The following ELMO1 variants were observed in gnomAD, a reference collection of about 807,000 sequenced individuals.
ELMO1 encodes engulfment and cell motility protein 1.
Under a neutral mutation model 98.9 loss-of-function variants are expected in ELMO1, and 26 were observed. That is an observed-to-expected ratio of 0.26 (90% CI 0.19 to 0.36). ELMO1 has a LOEUF of 0.36. Ranked by LOEUF, ELMO1 falls within the 10% of genes least tolerant of loss-of-function variation. ELMO1 has a pLI of 1.00. For missense variants in ELMO1, 627 were observed against 935.2 expected, an observed-to-expected ratio of 0.67 and a Z score of 4.30; for synonymous variants, 346 against 346.0, an observed-to-expected ratio of 1.00 and a Z score of 0.00.
intron 5 of ELMO1, among the ~76,000 whole-genome samples, chr7:37,265,958 G>T (rs1024476439): frequency 6.6e-6 from 1 of 151,162 alleles, no homozygotes; most frequent in Non-Finnish European, 1.5e-5. Context: ...AAGTTCTGGG[G>T]CTTGCCCTCC....
intron 13 of ELMO1, among the ~76,000 whole-genome samples, chr7:37,183,653 AG>A (rs775923381): frequency 6.6e-6 from 1 of 152,170 alleles, no homozygotes; most frequent in Non-Finnish European, 1.5e-5. Flanking sequence ...AGCAGGAAAG[AG>A]GGAAGGGCCA....
chr7:37,291,051 A>G (rs2246100), intron 4 of ELMO1, among the ~76,000 whole-genome samples: 142,955 of 152,202 alleles, frequency 0.94, 67,657 homozygotes, highest in Non-Finnish European at 1. Flanking sequence ...GAGCCACAGA[A>G]ACCCCTATAT....
chr7:37,050,609 A>AACACACACAC lies in ELMO1; in HGVS notation c.1301-37184_1301-37175dup, dbSNP rs60918785. ...AAGAGAGTAGATTTTAGGTGCTCTG[A>AACACACACAC]ACACACACACACACACACACACACA... On this transcript the variant is annotated intron_variant, in intron 15 of 21. Coordinates refer to ENST00000310758, the MANE Select transcript of ELMO1 (RefSeq NM_014800.11). 5.7e-3 allele frequency among the ~76,000 whole-genome samples: 744 copies of AACACACACAC among 129,578 alleles called. 11 individuals are homozygous for AACACACACAC. The highest frequency in any genetic ancestry group is 0.027 in the Admixed American group (345 of 12,908). The allele number at this position is 129,578 out of a possible 152,430, so 85.0% of individuals were successfully genotyped here.
intron 4 of ELMO1, among the ~76,000 whole-genome samples, chr7:37,286,715 A>G (rs894652831): frequency 6.6e-6 from 1 of 152,196 alleles, no homozygotes; most frequent in Non-Finnish European, 1.5e-5. Flanking sequence ...AAGTCCGCCC[A>G]TTTGGATCCC....
intron 15 of ELMO1, among the ~76,000 whole-genome samples, chr7:37,020,490 T>G (rs970908483): frequency 6.6e-6 from 1 of 152,224 alleles, no homozygotes; most frequent in Non-Finnish European, 1.5e-5. Flanking sequence ...CTCAACTTGT[T>G]AATCCTACCT....
chr7:37,310,376 A>G (rs1798828259), intron 4 of ELMO1, among the ~76,000 whole-genome samples: 1 of 152,174 alleles, frequency 6.6e-6, no homozygotes. Context: ...CTGGGGACTC[A>G]TCTCCATACA....
chr7:37,164,879 T>G (rs1456217832), intron 13 of ELMO1, among the ~76,000 whole-genome samples: 4 of 151,002 alleles, frequency 2.6e-5, no homozygotes, highest in Non-Finnish European at 5.9e-5. Flanking sequence ...GTGAAGAAAG[T>G]CATTGGTAGC....
At chr7:37,194,289 T>C (rs140108434) in intron 13 of ELMO1, among the ~76,000 whole-genome samples, 1 of 152,182 alleles carries the variant, frequency 6.6e-6, no homozygotes, top group Admixed American at 6.5e-5. Flanking sequence ...TTATCCTAAA[T>C]GGAACAAACC....
intron 1 of ELMO1, among the ~76,000 whole-genome samples, chr7:37,377,624 G>C (rs1481604703): frequency 2.0e-5 from 3 of 152,100 alleles, no homozygotes; most frequent in Admixed American, 2.0e-4. Flanking sequence ...ATTCAATTTA[G>C]ACTCTCTGAT....
chr7:37,128,163 A>C (rs1318194413), intron 14 of ELMO1, among the ~76,000 whole-genome samples: 2 of 152,208 alleles, frequency 1.3e-5, no homozygotes, highest in Non-Finnish European at 1.5e-5. Flanking sequence ...ACTGCACTGC[A>C]GCCTGGGCAA....
intron 1 of ELMO1, among the ~76,000 whole-genome samples, chr7:37,356,947 T>C (rs62462586): frequency 1.8e-4 from 28 of 152,108 alleles, no homozygotes; most frequent in Non-Finnish European, 3.7e-4. Context: ...CTCTCTTCCT[T>C]CTTCCTTCTC....
chr7:37,307,288 T>C (rs1022666956), intron 4 of ELMO1, among the ~76,000 whole-genome samples: 2 of 152,174 alleles, frequency 1.3e-5, no homozygotes, highest in African/African-American at 2.4e-5. Flanking sequence ...GGTAACTGAA[T>C]CATGGGGGTG....
intron 1 of ELMO1, among the ~76,000 whole-genome samples, chr7:37,418,978 A>G (rs1804352892): frequency 6.6e-6 from 1 of 152,066 alleles, no homozygotes; most frequent in South Asian, 2.1e-4. Context: ...AGCGTGATTG[A>G]GATCTCTCCA....
intron 1 of ELMO1, among the ~76,000 whole-genome samples, chr7:37,426,138 C>CTTTTTTTT (rs1804690459): frequency 1.0e-5 from 1 of 97,152 alleles, no homozygotes; most frequent in Non-Finnish European, 2.1e-5. Flanking sequence ...CTCTTTTTTT[C>CTTTTTTTT]TTTCTTTTTT....
chr7:36,943,886 A>G (rs913065084), intron 16 of ELMO1, among the ~76,000 whole-genome samples: 15 of 152,178 alleles, frequency 9.9e-5, no homozygotes, highest in African/African-American at 3.6e-4. Context: ...CTGAGGGTGG[A>G]TATACACTAG....
chr7:37,372,030 G>T (rs1802135189), intron 1 of ELMO1, among the ~76,000 whole-genome samples: 1 of 151,900 alleles, frequency 6.6e-6, no homozygotes, highest in Non-Finnish European at 1.5e-5. Flanking sequence ...ATCCTGAAAT[G>T]ACTTAAATTG....
At chr7:36,881,207 A>T (rs781621779) in intron 18 of ELMO1, among the ~76,000 whole-genome samples, 8 of 152,218 alleles carry the variant, frequency 5.3e-5, no homozygotes, top group Non-Finnish European at 8.8e-5. Flanking sequence ...CTCAGCCAGT[A>T]TCTTCCTCAC....
chr7:36,950,755 C>G (rs1787901311), intron 16 of ELMO1, among the ~76,000 whole-genome samples: 1 of 152,228 alleles, frequency 6.6e-6, no homozygotes, highest in Admixed American at 6.5e-5. Flanking sequence ...GCTCCTTCAT[C>G]TCCATGAGGG....
chr7:37,117,526 A>T (rs1302871129), intron 14 of ELMO1, among the ~76,000 whole-genome samples: 2 of 152,198 alleles, frequency 1.3e-5, no homozygotes, highest in Non-Finnish European at 2.9e-5. Context: ...GAAGCATTCC[A>T]TTCAAATCAC....
Sources: allele counts gnomAD v4.1 joint callset (sites outside exome capture counted in the v4.1 genomes callset), GRCh38; gene constraint gnomAD v4.1.1; transcripts MANE v1.5; gene names NCBI Gene and HGNC (gene_info 2026-07-23, HGNC 2026-07-21).